The following C3orf49 variants were observed in gnomAD, a reference collection of about 807,000 sequenced individuals.
The protein encoded by C3orf49 is chromosome 3 open reading frame 49, also known as putative uncharacterized protein C3orf49.
In C3orf49, 27 loss-of-function variants were observed where a neutral mutation model predicts 13.3. The observed-to-expected ratio is 2.02, with a 90% CI of 1.49 to 2.79. C3orf49 has a LOEUF of 2.79. C3orf49 is among the 30% of genes most tolerant of loss of function. The pLI, the probability that C3orf49 is intolerant of heterozygous loss-of-function variation, is 0.00. For synonymous variants in C3orf49, 87 were observed against 47.6 expected, an observed-to-expected ratio of 1.83 and a Z score of -3.40; for missense variants, 242 against 134.2, an observed-to-expected ratio of 1.80 and a Z score of -3.97.
chr3:63,839,625 T>C, intron 5 of C3orf49: 1 of 1,583,894 alleles, frequency 6.3e-7, no homozygotes, highest in Non-Finnish European at 8.7e-7. Context: ...ATTAGGACAC[T>C]GGTATGGAAA....
chr3:63,807,795 T>G, the C3orf49 span, among the ~76,000 whole-genome samples: 3 of 137,870 alleles, frequency 2.2e-5, no homozygotes, highest in African/African-American at 8.4e-5. Context: ...AGGCAGAGGT[T>G]GCAGTGAGCC....
At chr3:63,846,548 C>T (rs1339978320) in intron 6 of C3orf49, among the ~76,000 whole-genome samples, 3 of 152,142 alleles carry the variant, frequency 2.0e-5, no homozygotes, top group Non-Finnish European at 4.4e-5. Context: ...GCTGGGATTA[C>T]AGGCACCCAC....
At chr3:63,832,055 G>A (rs1701540242) in intron 5 of C3orf49, 1 of 454,820 alleles carries the variant, frequency 2.2e-6, no homozygotes, top group Admixed American at 4.1e-5. Context: ...TTATCCAGGA[G>A]TGGTGGCGGG....
At chr3:63,800,334 A>G in the C3orf49 span, among the ~76,000 whole-genome samples, 2 of 152,142 alleles carry the variant, frequency 1.3e-5, no homozygotes, top group Non-Finnish European at 2.9e-5. Context: ...CTGCCAGAAA[A>G]TGTACAACAG....
intron 4 of C3orf49, among the ~76,000 whole-genome samples, 162 bp from the exon 5 acceptor site, chr3:63,831,518 T>C (rs1484392106): frequency 6.6e-6 from 1 of 152,226 alleles, no homozygotes; most frequent in African/African-American, 2.4e-5. Flanking sequence ...AAATGTATGC[T>C]TTCAAGCTCC....
chr3:63,807,088 A>C, the C3orf49 span, among the ~76,000 whole-genome samples: 1 of 151,826 alleles, frequency 6.6e-6, no homozygotes, highest in Non-Finnish European at 1.5e-5. Flanking sequence ...AGTAGCTGGG[A>C]CTACAGGCGC....
the C3orf49 span, among the ~76,000 whole-genome samples, chr3:63,800,425 C>G: frequency 6.6e-6 from 1 of 152,008 alleles, no homozygotes; most frequent in Non-Finnish European, 1.5e-5. Context: ...TAAGGCATTG[C>G]GCTTGCTCAG....
intron 5 of C3orf49, chr3:63,835,507 A>C: frequency 1.2e-6 from 1 of 802,460 alleles, no homozygotes; most frequent in Non-Finnish European, 1.9e-6. Context: ...GCTTATAAGG[A>C]GTTATAACAC....
the C3orf49 span, among the ~76,000 whole-genome samples, chr3:63,792,881 G>A: frequency 5.9e-5 from 9 of 152,068 alleles, no homozygotes; most frequent in Admixed American, 1.3e-4. Flanking sequence ...TGTGTGCGTC[G>A]GCACTATCCA....
At chr3:63,817,076 T>A (rs1052240380), upstream of C3orf49, among the ~76,000 whole-genome samples, 1 of 151,994 alleles carries the variant, frequency 6.6e-6, no homozygotes, top group Non-Finnish European at 1.5e-5. Context: ...ACCTGACCGC[T>A]TTCTTCCACA....
At chr3:63,809,571 A>C in the C3orf49 span, among the ~76,000 whole-genome samples, 1 of 152,072 alleles carries the variant, frequency 6.6e-6, no homozygotes, top group African/African-American at 2.4e-5. Flanking sequence ...CACAGAGCAA[A>C]AGGCCAAACT....
At chr3:63,814,690 A>G (rs925957486), upstream of C3orf49, among the ~76,000 whole-genome samples, 11 of 152,050 alleles carry the variant, frequency 7.2e-5, no homozygotes, top group African/African-American at 2.7e-4. Flanking sequence ...GTTGATAAAG[A>G]GAGTTGACTG....
At chr3:63,812,406 C>A in the C3orf49 span, among the ~76,000 whole-genome samples, 2 of 152,204 alleles carry the variant, frequency 1.3e-5, no homozygotes, top group African/African-American at 4.8e-5. Flanking sequence ...GTTGGACAAA[C>A]TTGCTATAGG....
the C3orf49 span, among the ~76,000 whole-genome samples, chr3:63,792,750 C>T: frequency 1.3e-5 from 2 of 152,194 alleles, no homozygotes; most frequent in African/African-American, 4.8e-5. Flanking sequence ...AGGTAAAAGA[C>T]AACCATTCCC....
At chr3:63,847,272 T>C (rs1701919276) in intron 6 of C3orf49, among the ~76,000 whole-genome samples, 1 of 152,156 alleles carries the variant, frequency 6.6e-6, no homozygotes, top group Non-Finnish European at 1.5e-5. Context: ...AATAACCAAA[T>C]TTCCTTGTCA....
chr3:63,841,704 C>T (rs1000982902), intron 5 of C3orf49, among the ~76,000 whole-genome samples: 2 of 152,134 alleles, frequency 1.3e-5, no homozygotes, highest in Non-Finnish European at 2.9e-5. Context: ...CTAATGCTTT[C>T]GGTTTTTTAA....
chr3:63,827,529 C>T, intron 2 of C3orf49, 72 bp from the exon 3 acceptor site: 1 of 637,110 alleles, frequency 1.6e-6, no homozygotes, highest in Non-Finnish European at 2.8e-6. Flanking sequence ...TCTAAGAATA[C>T]TGTATTTTTA....
chr3:63,840,302 AG>A (rs1020457203), intron 5 of C3orf49, among the ~76,000 whole-genome samples: 3 of 152,188 alleles, frequency 2.0e-5, no homozygotes, highest in Non-Finnish European at 4.4e-5. Context: ...GAGATGGGTG[AG>A]GGAAAAAGGA....
At chr3:63,794,198 C>CACA in the C3orf49 span, among the ~76,000 whole-genome samples, 1 of 151,590 alleles carries the variant, frequency 6.6e-6, no homozygotes, top group African/African-American at 2.4e-5. Context: ...CACACACACA[C>CACA]ATTGTTGGAA....
Sources: allele counts gnomAD v4.1 joint callset (sites outside exome capture counted in the v4.1 genomes callset), GRCh38; gene constraint gnomAD v4.1.1; transcripts MANE v1.5; gene names NCBI Gene and HGNC (gene_info 2026-07-23, HGNC 2026-07-21).